Variants in PXK observed in about 807,000 individuals in gnomAD.
PXK encodes PX domain-containing protein kinase-like protein.
Under a neutral mutation model 84.7 loss-of-function variants are expected in PXK, and 35 were observed. The ratio of observed to expected loss-of-function variants is 0.41; its 90% CI spans 0.32 to 0.55. The LOEUF is 0.55. Among genes scored for constraint, PXK ranks in the 20% least tolerant of loss-of-function variants. PXK has a pLI of 0.21. For missense variants in PXK, 634 were observed against 699.7 expected, an observed-to-expected ratio of 0.91 and a Z score of 1.06; for synonymous variants, 253 against 260.8, an observed-to-expected ratio of 0.97 and a Z score of 0.29.
At chr3:58,405,809 C>A (rs1252513992) in intron 13 of PXK, among the ~76,000 whole-genome samples, 2 of 149,912 alleles carry the variant, frequency 1.3e-5, no homozygotes, top group Non-Finnish European at 3.0e-5. Context: ...GGCTCAGAAA[C>A]AAACTGGGCT....
At chr3:58,382,962 G>T (rs529050550) in intron 4 of PXK, among the ~76,000 whole-genome samples, 9 of 152,184 alleles carry the variant, frequency 5.9e-5, no homozygotes, top group Non-Finnish European at 1.3e-4. Flanking sequence ...TTATACTCTT[G>T]CCTTTATTGT....
intron 3 of PXK, among the ~76,000 whole-genome samples, chr3:58,375,876 T>C (rs6777066): frequency 0.29 from 44,500 of 152,176 alleles, 7,296 homozygotes; most frequent in Middle Eastern, 0.39. Flanking sequence ...TTCTTCTGGA[T>C]TCTTTAATTA....
At position 58,395,049 on chromosome 3, in the gene PXK, T is replaced by C. The variant is rs2057424832; in HGVS notation, c.667T>C (p.Leu223=). The change falls in exon 8 of 18, where the codon TTG becomes CTG. Residue 223 remains leucine, a synonymous_variant. Transcript: ENST00000356151. ...TGCCACAGCTAATGAATCCTCAGCG[T>C]TGCTAATTAGGATGTTTAACGAAAA... The part of the protein sequence containing the change: ...TFATANESSA[L]LIRMFNEKGT... 1 of 1,613,626 alleles carries C rather than the reference T, an allele frequency of 6.2e-7. No individual in the cohort carries two copies. Among genetic ancestry groups the C allele is most frequent in the South Asian group, 1.1e-5 (1 of 91,076 alleles).
chr3:58,396,316 C>G (rs1358146080), intron 9 of PXK, among the ~76,000 whole-genome samples: 1 of 151,952 alleles, frequency 6.6e-6, no homozygotes, highest in Non-Finnish European at 1.5e-5. Flanking sequence ...AGACAGCATA[C>G]TAGTAATATA....
chr3:58,332,967 G>C lies in PXK; in HGVS notation c.-22G>C. 1 of 1,345,256 alleles carries C rather than the reference G, an allele frequency of 7.4e-7. No homozygotes were observed. Among genetic ancestry groups the C allele is most frequent in the Non-Finnish European group, 9.7e-7 (1 of 1,034,454 alleles). The allele number at this position is 1,345,256 out of a possible 1,614,324, so 83.3% of individuals were successfully genotyped here. ...GGGTTCCTACCTCGCGTCCCTAGGC[G>C]GCGGCGGCCGGGCGTCCCGGGATGG... On this transcript the variant is annotated 5_prime_UTR_variant, in exon 1 of 18. Coordinates refer to ENST00000356151, the MANE Select transcript of PXK (RefSeq NM_017771.5). The surrounding 1 kb of genome is among the most constrained non-coding windows in gnomAD (Gnocchi z 5.6).
At chr3:58,378,081 G>A (rs1192077140) in intron 3 of PXK, among the ~76,000 whole-genome samples, 1 of 152,164 alleles carries the variant, frequency 6.6e-6, no homozygotes, top group Non-Finnish European at 1.5e-5. Flanking sequence ...TTATTTTCTG[G>A]AGAGGGTCAG....
At chr3:58,336,071 A>ATATATATATT (rs1284780630) in intron 1 of PXK, among the ~76,000 whole-genome samples, 6 of 51,576 alleles carry the variant, frequency 1.2e-4, no homozygotes, top group East Asian at 4.7e-4. Flanking sequence ...ATATATATAT[A>ATATATATATT]TTTTTTTTTT....
intron 4 of PXK, among the ~76,000 whole-genome samples, chr3:58,387,449 C>A (rs1462835308): frequency 6.6e-6 from 1 of 152,198 alleles, no homozygotes; most frequent in African/African-American, 2.4e-5. Context: ...AGTTCCTACT[C>A]CATGACAGTT....
chr3:58,367,822 A>G (rs995431963), intron 2 of PXK, among the ~76,000 whole-genome samples: 2 of 152,080 alleles, frequency 1.3e-5, no homozygotes, highest in African/African-American at 4.8e-5. Context: ...AGCTGGAACT[A>G]TAGGCAGGTG....
chr3:58,383,791 T>G lies in PXK; in HGVS notation c.388+1091T>G, dbSNP rs2098527343. Among the ~76,000 whole-genome samples the G allele has an allele frequency of 6.6e-6, 1 of 152,240 alleles. No homozygotes were observed. Among genetic ancestry groups the G allele is most frequent in the African/African-American group, 2.4e-5 (1 of 41,470 alleles). On this transcript the variant is annotated intron_variant, in intron 4 of 17. Coordinates refer to ENST00000356151, the MANE Select transcript of PXK (RefSeq NM_017771.5). This position sits in a 1 kb window ranked among gnomAD's most constrained non-coding sequence, Gnocchi z 4.0. ...GCTTTAGAGACTTTCTAAGTGGAACTATGGATATTGTTACTTTGCTTGCTA... is the reference window on the plus strand; with the variant it reads ...GCTTTAGAGACTTTCTAAGTGGAACGATGGATATTGTTACTTTGCTTGCTA...
chr3:58,334,255 C>G (rs765155764), intron 1 of PXK, among the ~76,000 whole-genome samples: 5 of 152,144 alleles, frequency 3.3e-5, no homozygotes, highest in African/African-American at 7.2e-5. Flanking sequence ...TTGAATTGTT[C>G]AAAGCATTCA....
chr3:58,412,842 G>A lies in PXK; in HGVS notation c.1466-59G>A. ...CAGACAGCAGTGGGTCCCAGCCTGG[G>A]CCAAATTCCAAATGTCTTTCGTTGG... On this transcript the variant is annotated intron_variant, in intron 16 of 17. Transcript: ENST00000356151. The surrounding 1 kb of genome is among the most constrained non-coding windows in gnomAD (Gnocchi z 6.2). 1.3e-6 allele frequency: 2 copies of A among 1,577,126 alleles called. No homozygotes were observed. The highest frequency in any genetic ancestry group is 2.2e-5 in the East Asian group (1 of 44,686).
At position 58,365,934 on chromosome 3, in the gene PXK, T is replaced by TC; in HGVS notation, c.153+10_153+11insC. On this transcript the variant is annotated intron_variant, in intron 2 of 17. Transcript: ENST00000356151. ...GGAAAACAGCTGGCAGGTAAGCATC[T>TC]TTTTTTTTTTTTTTGTCAATTAGAA... The TC allele has an allele frequency of 6.6e-6, 3 of 457,898 alleles. No individual in the cohort carries two copies. The highest frequency in any genetic ancestry group is 9.7e-5 in the East Asian group (1 of 10,296). The allele number at this position is 457,898 out of a possible 1,614,324, so 28.4% of individuals were successfully genotyped here.
At chr3:58,335,018 GGTGTGTGTGTGT>G (rs375780661) in intron 1 of PXK, among the ~76,000 whole-genome samples, 26 of 106,564 alleles carry the variant, frequency 2.4e-4, no homozygotes, top group Admixed American at 8.4e-4. Context: ...TGTCCAGGCT[GGTGTGTGTGTGT>G]GTGTGTGTGT....
intron 13 of PXK, among the ~76,000 whole-genome samples, chr3:58,405,571 C>G: frequency 6.6e-6 from 1 of 151,488 alleles, no homozygotes; most frequent in East Asian, 1.9e-4. Context: ...CCCAGCTACT[C>G]GGGAGGCTGA....
chr3:58,394,873 T>C, intron 7 of PXK, 125 bp from the exon 8 acceptor site: 1 of 642,204 alleles, frequency 1.6e-6, no homozygotes, highest in Admixed American at 2.4e-5. Flanking sequence ...GTTCAGGGAA[T>C]ATCACTACAT....
At chr3:58,410,038 T>TTTA (rs1413117240) in intron 15 of PXK, 52 bp from the exon 16 acceptor site, 4 of 1,180,386 alleles carry the variant, frequency 3.4e-6, no homozygotes, top group African/African-American at 3.0e-5. Flanking sequence ...CTTCACTGTG[T>TTTA]TTATTCTTTG....
Position 58,388,265 on chromosome 3 carries a change from G to A in PXK, c.389-2317G>A, listed in dbSNP as rs570298696. On this transcript the variant is annotated intron_variant, in intron 4 of 17. Transcript: ENST00000356151. ...AGTTTATCAGTGAGAAATCCAGTATGTTCCATCTGTTCACAGCTATTTCCC... is the reference window on the plus strand; with the variant it reads ...AGTTTATCAGTGAGAAATCCAGTATATTCCATCTGTTCACAGCTATTTCCC... Among the ~76,000 whole-genome samples the A allele has an allele frequency of 1.4e-4, 22 of 152,310 alleles. No homozygotes were observed. In the South Asian group the frequency reaches 3.7e-3, roughly 26 times the overall value.
rs1214750524 is a variant in PXK, at chr3:58,398,797, A to G, written c.1103-502A>G. ...TCAAGAGAACAGGCCCTGGGACTAT[A>G]TTGTGTTGAATTTGAACCGCTGAAA... On this transcript the variant is annotated intron_variant, in intron 11 of 17. Transcript: ENST00000356151. This position sits in a 1 kb window ranked among gnomAD's most constrained non-coding sequence, Gnocchi z 4.5. 6.6e-6 allele frequency among the ~76,000 whole-genome samples: 1 copy of G among 152,156 alleles called. No individual in the cohort carries two copies. Among genetic ancestry groups the G allele is most frequent in the African/African-American group, 2.4e-5 (1 of 41,438 alleles).
Sources: gnomAD v4.1 joint callset for allele counts (sites outside exome capture counted in the v4.1 genomes callset) on GRCh38, gnomAD v4.1.1 for gene constraint, Gnocchi (gnomAD v3.1) non-coding constraint, MANE v1.5 for transcripts, NCBI Gene and HGNC (gene_info 2026-07-23, HGNC 2026-07-21) for gene names.